The following DAPP1 variants were observed in gnomAD, a reference collection of about 807,000 sequenced individuals.
The protein encoded by DAPP1 is dual adapter for phosphotyrosine and 3-phosphotyrosine and 3-phosphoinositide.
A neutral mutation model predicts 41.5 loss-of-function variants in DAPP1; 20 were observed. The ratio of observed to expected loss-of-function variants is 0.48; its 90% CI spans 0.34 to 0.70. DAPP1 has a LOEUF of 0.70. Ranked by LOEUF, DAPP1 falls within the 30% of genes least tolerant of loss-of-function variation. DAPP1 has a pLI of 0.01. For missense variants in DAPP1, 233 were observed against 333.4 expected, an observed-to-expected ratio of 0.70 and a Z score of 2.35; for synonymous variants, 113 against 116.2, an observed-to-expected ratio of 0.97 and a Z score of 0.18.
intron 4 of DAPP1, among the ~76,000 whole-genome samples, chr4:99,855,510 C>G: frequency 6.6e-6 from 1 of 152,186 alleles, no homozygotes; most frequent in East Asian, 1.9e-4. Flanking sequence ...GGATTCACCT[C>G]TTTTAAAATG....
At chr4:99,821,490 T>C (rs2851039) in intron 1 of DAPP1, among the ~76,000 whole-genome samples, 138,346 of 152,334 alleles carry the variant, frequency 0.91, 63,118 homozygotes, top group African/African-American at 0.98. Flanking sequence ...TATCATGTGC[T>C]AAGCACTAGT....
chr4:99,860,260 T>C (rs1333402419), intron 4 of DAPP1, among the ~76,000 whole-genome samples: 1 of 152,244 alleles, frequency 6.6e-6, no homozygotes, highest in Non-Finnish European at 1.5e-5. Flanking sequence ...AATACTACAC[T>C]TATAGTACAT....
chr4:99,844,070 A>G (rs1383122008), intron 3 of DAPP1: 1 of 152,268 alleles, frequency 6.6e-6, no homozygotes, highest in African/African-American at 2.4e-5. Context: ...ACTTTTCCTT[A>G]GTTCAGCTAA....
chr4:99,828,502 G>C (rs991632495), intron 1 of DAPP1, among the ~76,000 whole-genome samples: 1 of 152,140 alleles, frequency 6.6e-6, no homozygotes, highest in African/African-American at 2.4e-5. Flanking sequence ...GAGGTATAAA[G>C]TTAGATTAGT....
chr4:99,833,137 A>G (rs1290053316), intron 1 of DAPP1, among the ~76,000 whole-genome samples: 1 of 152,234 alleles, frequency 6.6e-6, no homozygotes, highest in African/African-American at 2.4e-5. Context: ...TCACCTATCA[A>G]AAAGAATTAG....
chr4:99,862,968 T>C, intron 5 of DAPP1, 42 bp from the exon 6 acceptor site: 1 of 1,449,124 alleles, frequency 6.9e-7, no homozygotes, highest in Non-Finnish European at 9.3e-7. Context: ...TATTCAAAAC[T>C]TTGTGTGTCT....
chr4:99,865,966 T>TTTTA (rs1553942237), intron 7 of DAPP1, 68 bp from the exon 8 acceptor site: 2 of 80,346 alleles, frequency 2.5e-5, no homozygotes, highest in Non-Finnish European at 4.6e-5. Flanking sequence ...ATTATATATA[T>TTTTA]TATATATATA....
At chr4:99,832,712 T>C (rs957942128) in intron 1 of DAPP1, among the ~76,000 whole-genome samples, 2 of 152,272 alleles carry the variant, frequency 1.3e-5, no homozygotes, top group African/African-American at 4.8e-5. Flanking sequence ...TAAATTATCA[T>C]TAAAACATTA....
intron 1 of DAPP1, among the ~76,000 whole-genome samples, chr4:99,835,229 G>A (rs1224879266): frequency 1.3e-5 from 2 of 151,990 alleles, no homozygotes; most frequent in Non-Finnish European, 2.9e-5. Flanking sequence ...GGCCGGTCTC[G>A]AACCCCTGAC....
At chr4:99,871,561 G>T (rs550231515), downstream of DAPP1, among the ~76,000 whole-genome samples, 14 of 152,290 alleles carry the variant, frequency 9.2e-5, no homozygotes, top group South Asian at 8.3e-4. Flanking sequence ...TCAAATTGTT[G>T]TAAGTTTTTC....
chr4:99,869,949 A>C lies in DAPP1; in HGVS notation c.*1764A>C, dbSNP rs1348152666. On this transcript the variant is annotated 3_prime_UTR_variant, in exon 9 of 9. Transcript: ENST00000512369. Reference sequence around the variant, plus strand: ...CGTCCCAAAAAAACAAACAAACAAAACAAAACAAAAAAAAACAGAAGTTAC... The same window carrying C: ...CGTCCCAAAAAAACAAACAAACAAACCAAAACAAAAAAAAACAGAAGTTAC... 4 of 151,042 alleles carry C rather than the reference A, an allele frequency of 2.6e-5. No individual in the cohort carries two copies. The highest frequency in any genetic ancestry group is 6.6e-5 in the Admixed American group (1 of 15,172). The allele number at this position is 151,042 out of a possible 1,614,324, so 9.4% of individuals were successfully genotyped here.
intron 1 of DAPP1, among the ~76,000 whole-genome samples, chr4:99,822,719 C>G (rs983041721): frequency 6.6e-6 from 1 of 152,120 alleles, no homozygotes; most frequent in African/African-American, 2.4e-5. Context: ...TTCAACTTGG[C>G]TTTTCTCTTG....
intron 8 of DAPP1, 151 bp from the exon 9 acceptor site, chr4:99,867,966 A>G: frequency 1.5e-6 from 1 of 683,356 alleles, no homozygotes. Flanking sequence ...ACACATGATA[A>G]TTAGCTTATA....
chr4:99,864,340 A>G (rs1724353733), intron 7 of DAPP1: 1 of 153,250 alleles, frequency 6.5e-6, no homozygotes, highest in Non-Finnish European at 1.5e-5. Context: ...AGCATACACA[A>G]GTTGAAAGAC....
Position 99,816,976 on chromosome 4 carries a change from C to G in DAPP1, c.63C>G (p.Ser21Arg), listed in dbSNP as rs778726455. 6 of 1,607,396 alleles carry G rather than the reference C, an allele frequency of 3.7e-6. No individual in the cohort carries two copies. In the South Asian group the frequency reaches 4.5e-5, roughly 12 times the overall value. The change falls in exon 1 of 9, where the codon AGC (serine) becomes AGG (arginine). Residue 21 changes from serine to arginine, a missense_variant. Ser to Arg is a moderately radical substitution (Grantham distance 110, BLOSUM62 -1). Coordinates refer to ENST00000512369, the MANE Select transcript of DAPP1 (RefSeq NM_014395.3). The part of the protein sequence containing the change: ...MSTQDPSDLW[S>R]RSDGEAELLQ... The stretch of plus-strand genomic sequence containing the variant: ...CCCAGGATCCCTCAGATCTGTGGAG[C>G]AGATCCGATGGAGAGGCTGAGCTGC...
chr4:99,833,845 T>G (rs1330083362), intron 1 of DAPP1, among the ~76,000 whole-genome samples: 2 of 152,220 alleles, frequency 1.3e-5, no homozygotes, highest in Admixed American at 6.5e-5. Context: ...TCTCAATGGC[T>G]TCCTGGTAGC....
At chr4:99,834,963 T>C (rs1320735986) in intron 1 of DAPP1, among the ~76,000 whole-genome samples, 1 of 152,078 alleles carries the variant, frequency 6.6e-6, no homozygotes, top group Non-Finnish European at 1.5e-5. Flanking sequence ...TTTCCCTTTT[T>C]ACAAGAGGAC....
chr4:99,871,508 C>G (rs906124440), downstream of DAPP1, among the ~76,000 whole-genome samples: 2 of 151,620 alleles, frequency 1.3e-5, no homozygotes, highest in African/African-American at 4.9e-5. Flanking sequence ...TATCACAATC[C>G]CAGTTTATTA....
intron 1 of DAPP1, among the ~76,000 whole-genome samples, chr4:99,833,218 G>A (rs1438626350): frequency 6.6e-6 from 1 of 152,148 alleles, no homozygotes; most frequent in Non-Finnish European, 1.5e-5. Flanking sequence ...TTCTTTGAAA[G>A]CATTTTGTAG....
Sources: gnomAD v4.1 joint callset for allele counts (sites outside exome capture counted in the v4.1 genomes callset) on GRCh38, gnomAD v4.1.1 for gene constraint, MANE v1.5 for transcripts, NCBI Gene and HGNC (gene_info 2026-07-23, HGNC 2026-07-21) for gene names.